Variants in DNAJC1 observed in about 807,000 individuals in gnomAD.
DNAJC1 encodes the protein dnaJ homolog subfamily C member 1.
In DNAJC1, 58 loss-of-function variants were observed where a neutral mutation model predicts 76.6. That is an observed-to-expected ratio of 0.76 (90% CI 0.61 to 0.94). DNAJC1 has a LOEUF of 0.94. Among genes scored for constraint, DNAJC1 ranks in the 40% least tolerant of loss-of-function variants. DNAJC1 has a pLI of 0.00. For missense variants in DNAJC1, 689 were observed against 677.3 expected, an observed-to-expected ratio of 1.02 and a Z score of -0.19; for synonymous variants, 258 against 267.9, an observed-to-expected ratio of 0.96 and a Z score of 0.36.
intron 8 of DNAJC1, among the ~76,000 whole-genome samples, chr10:21,843,624 A>C (rs1290715495): frequency 6.6e-6 from 1 of 151,576 alleles, no homozygotes; most frequent in Admixed American, 6.6e-5. Flanking sequence ...CAATCTCCTG[A>C]CCTCGTGATC....
At chr10:21,813,427 C>T (rs866526998) in intron 8 of DNAJC1, among the ~76,000 whole-genome samples, 6 of 148,490 alleles carry the variant, frequency 4.0e-5, no homozygotes, top group East Asian at 2.0e-4. Flanking sequence ...CTCACTCTGT[C>T]GCCCAGGCTG....
At chr10:21,780,892 T>C (rs1834520203) in intron 9 of DNAJC1, among the ~76,000 whole-genome samples, 1 of 151,966 alleles carries the variant, frequency 6.6e-6, no homozygotes, top group Non-Finnish European at 1.5e-5. Flanking sequence ...AATAAAGAGA[T>C]GGAGGAAGAT....
At chr10:21,966,633 A>C (rs2131823745) in intron 1 of DNAJC1, among the ~76,000 whole-genome samples, 1 of 151,840 alleles carries the variant, frequency 6.6e-6, no homozygotes, top group South Asian at 2.1e-4. Context: ...TTGGCCACTG[A>C]GAGATCCTCC....
rs773347801 is a variant in DNAJC1, at chr10:21,882,401, C to T, written c.859G>A (p.Val287Ile). The T allele has an allele frequency of 1.4e-5, 22 of 1,526,588 alleles. No individual in the cohort carries two copies. Among genetic ancestry groups the T allele is most frequent in the African/African-American group, 2.9e-5 (2 of 69,674 alleles). 94.6% of individuals were successfully genotyped at this position (1,526,588 alleles called of 1,614,324 possible). A position where few individuals can be genotyped will look rare whatever the true frequency, so the allele number is the denominator to read the frequency against. ...KVKKPKPEFP[V>I]YTPLETTYIQ... ...TATGTAGTTTCTAAAGGTGTGTATA[C>T]AGGAAATTCAGGTTTTGGTTTTTTA... Residue 287 changes from valine to isoleucine, a missense_variant, in exon 8 of 12, where the codon GTA (valine) becomes ATA (isoleucine). Transcript: ENST00000376980.
intron 1 of DNAJC1, among the ~76,000 whole-genome samples, chr10:21,992,307 T>C (rs1011791023): frequency 1.3e-5 from 2 of 152,172 alleles, no homozygotes; most frequent in African/African-American, 4.8e-5. Flanking sequence ...CGAGACTCTG[T>C]CTCAAAAAAT....
intron 8 of DNAJC1, among the ~76,000 whole-genome samples, chr10:21,868,075 C>T (rs1201384316): frequency 1.9e-4 from 3 of 15,626 alleles, no homozygotes; most frequent in East Asian, 0.05. Flanking sequence ...GATTCTGTCT[C>T]CAAAAAAAAA....
intron 9 of DNAJC1, among the ~76,000 whole-genome samples, chr10:21,803,621 GTGTA>G (rs1174323667): frequency 1.4e-4 from 21 of 149,992 alleles, no homozygotes; most frequent in African/African-American, 2.9e-4. Context: ...GTGTGTGTGT[GTGTA>G]TGTATGTGTG....
At chr10:21,987,603 C>A (rs182834598) in intron 1 of DNAJC1, among the ~76,000 whole-genome samples, 3 of 152,088 alleles carry the variant, frequency 2.0e-5, no homozygotes, top group East Asian at 3.9e-4. Context: ...TTCATTTAAC[C>A]CAGGCTGTTT....
intron 8 of DNAJC1, among the ~76,000 whole-genome samples, chr10:21,830,434 A>AT (rs1162890408): frequency 1.3e-5 from 2 of 152,076 alleles, no homozygotes; most frequent in African/African-American, 2.4e-5. Context: ...TTCTTCTGAT[A>AT]TTTTTTGTTG....
intron 6 of DNAJC1, among the ~76,000 whole-genome samples, chr10:21,913,638 T>C (rs982916305): frequency 6.6e-6 from 1 of 152,164 alleles, no homozygotes; most frequent in Non-Finnish European, 1.5e-5. Flanking sequence ...AAGAAGGGCA[T>C]TTTGGAGGTT....
intron 7 of DNAJC1, among the ~76,000 whole-genome samples, chr10:21,888,795 G>A (rs929197325): frequency 1.3e-5 from 2 of 152,144 alleles, no homozygotes; most frequent in Non-Finnish European, 2.9e-5. Context: ...GGTGGGAGGA[G>A]GGAGAGGAGT....
chr10:21,950,167 T>C (rs1389945742), intron 1 of DNAJC1, among the ~76,000 whole-genome samples: 19 of 152,284 alleles, frequency 1.2e-4, no homozygotes, highest in East Asian at 1.9e-4. Flanking sequence ...AATTGAAGGT[T>C]TGTGGCAATC....
At chr10:21,802,450 C>G (rs1373226275) in intron 9 of DNAJC1, among the ~76,000 whole-genome samples, 1 of 152,062 alleles carries the variant, frequency 6.6e-6, no homozygotes, top group Non-Finnish European at 1.5e-5. Flanking sequence ...TAAATTTCCC[C>G]CAATAGGAAT....
intron 1 of DNAJC1, among the ~76,000 whole-genome samples, chr10:21,947,190 G>A (rs2131803361): frequency 6.6e-6 from 1 of 152,320 alleles, no homozygotes; most frequent in East Asian, 1.9e-4. Context: ...TCCTGTGCAT[G>A]ATGTTGAGAA....
chr10:21,833,498 T>A (rs959816528), intron 8 of DNAJC1, among the ~76,000 whole-genome samples: 1 of 152,024 alleles, frequency 6.6e-6, no homozygotes, highest in Non-Finnish European at 1.5e-5. Context: ...TAAATAAATT[T>A]AAAAAAGCAT....
intron 1 of DNAJC1, among the ~76,000 whole-genome samples, chr10:21,973,068 C>A (rs1038051135): frequency 2.6e-5 from 4 of 151,828 alleles, no homozygotes; most frequent in African/African-American, 9.7e-5. Context: ...GCAATAAATC[C>A]AGAAATGAAA....
intron 9 of DNAJC1, among the ~76,000 whole-genome samples, chr10:21,781,675 C>T (rs1417366616): frequency 6.5e-5 from 9 of 137,706 alleles, no homozygotes; most frequent in African/African-American, 8.3e-5. Context: ...GAGCCGAGAT[C>T]GTGCCACTGC....
chr10:21,986,851 T>G (rs1054078506), intron 1 of DNAJC1, among the ~76,000 whole-genome samples: 1 of 152,168 alleles, frequency 6.6e-6, no homozygotes, highest in African/African-American at 2.4e-5. Context: ...CACTGCAAAC[T>G]CCGCCTCCCA....
At chr10:21,786,152 T>G (rs1419477880) in intron 9 of DNAJC1, among the ~76,000 whole-genome samples, 1 of 151,884 alleles carries the variant, frequency 6.6e-6, no homozygotes, top group African/African-American at 2.4e-5. Flanking sequence ...ATGGGAAGAT[T>G]TTTAGATGTT....
Sources: gnomAD v4.1 joint callset for allele counts (sites outside exome capture counted in the v4.1 genomes callset) on GRCh38, gnomAD v4.1.1 for gene constraint, MANE v1.5 for transcripts, NCBI Gene and HGNC (gene_info 2026-07-23, HGNC 2026-07-21) for gene names.